Variants in ROR1 observed in about 807,000 individuals in gnomAD.
ROR1 encodes inactive tyrosine-protein kinase transmembrane receptor ROR1.
ROR1 carries 19 observed loss-of-function variants against 78.8 expected under a neutral mutation model. The ratio of observed to expected loss-of-function variants is 0.24; its 90% CI spans 0.17 to 0.35. ROR1 has a LOEUF of 0.35. ROR1 is among the 10% of genes least tolerant of loss of function. The probability of loss-of-function intolerance (pLI) is 1.00; values close to 1 mark genes in which losing one functional copy is unlikely to be tolerated. For synonymous variants in ROR1, 386 were observed against 433.6 expected, an observed-to-expected ratio of 0.89 and a Z score of 1.36; for missense variants, 917 against 1,177.8, an observed-to-expected ratio of 0.78 and a Z score of 3.24.
intron 1 of ROR1, among the ~76,000 whole-genome samples, chr1:63,793,493 A>T (rs1409400313): frequency 6.6e-6 from 1 of 152,226 alleles, no homozygotes; most frequent in Non-Finnish European, 1.5e-5. Flanking sequence ...GTGCTCTGAA[A>T]ATATGTACAT....
intron 2 of ROR1, among the ~76,000 whole-genome samples, chr1:64,024,094 C>T (rs547862290): frequency 5.9e-5 from 9 of 152,274 alleles, no homozygotes; most frequent in African/African-American, 2.2e-4. Flanking sequence ...CTGAGGTTTC[C>T]CCGGCCATGT....
chr1:63,861,799 A>C (rs575219606), intron 1 of ROR1, among the ~76,000 whole-genome samples: 1 of 152,258 alleles, frequency 6.6e-6, no homozygotes, highest in African/African-American at 2.4e-5. Flanking sequence ...AGGTTTTAGG[A>C]AGTCTTGAAA....
chr1:63,779,425 A>G (rs189648635), intron 1 of ROR1, among the ~76,000 whole-genome samples: 94 of 152,260 alleles, frequency 6.2e-4, no homozygotes, highest in African/African-American at 2.2e-3. Context: ...GAAGGGCCTT[A>G]GCCTGGCTTC....
chr1:63,902,545 G>A (rs955879188), intron 1 of ROR1, among the ~76,000 whole-genome samples: 4 of 151,794 alleles, frequency 2.6e-5, no homozygotes, highest in African/African-American at 7.3e-5. Context: ...GGCTGGTCTC[G>A]AACTCCTGGC....
intron 2 of ROR1, among the ~76,000 whole-genome samples, chr1:64,016,722 T>G (rs1646523244): frequency 6.9e-6 from 1 of 145,184 alleles, no homozygotes; most frequent in Admixed American, 6.9e-5. Context: ...ACCCTAGAAC[T>G]TAAAATATAA....
intron 1 of ROR1, among the ~76,000 whole-genome samples, chr1:63,964,934 C>A (rs1646061315): frequency 6.6e-6 from 1 of 152,166 alleles, no homozygotes; most frequent in South Asian, 2.1e-4. Context: ...CAGTTGAAAA[C>A]CTAGGCAAGG....
chr1:63,967,548 C>T (rs1646085350), intron 1 of ROR1, among the ~76,000 whole-genome samples: 1 of 152,130 alleles, frequency 6.6e-6, no homozygotes, highest in Non-Finnish European at 1.5e-5. Flanking sequence ...AGGAGTTCTC[C>T]TCCTCTATCC....
chr1:63,952,633 G>A (rs1645949624), intron 1 of ROR1, among the ~76,000 whole-genome samples: 1 of 152,136 alleles, frequency 6.6e-6, no homozygotes. Flanking sequence ...TGGGGATGAG[G>A]TTGCAAAGGT....
chr1:64,048,123 C>G (rs1446541964), intron 2 of ROR1, among the ~76,000 whole-genome samples: 1 of 152,066 alleles, frequency 6.6e-6, no homozygotes, highest in Non-Finnish European at 1.5e-5. Flanking sequence ...ATTAAATTAC[C>G]CGGTTAAATA....
At chr1:63,941,124 C>T (rs986569476) in intron 1 of ROR1, among the ~76,000 whole-genome samples, 3 of 152,002 alleles carry the variant, frequency 2.0e-5, no homozygotes, top group Non-Finnish European at 1.5e-5. Context: ...AATGGGTAAC[C>T]CTGGACTGGG....
chr1:63,999,738 T>C (rs577208921), intron 1 of ROR1, among the ~76,000 whole-genome samples: 6 of 152,202 alleles, frequency 3.9e-5, no homozygotes, highest in Non-Finnish European at 8.8e-5. Context: ...ATGAATTTAA[T>C]ATCATTAAAC....
At chr1:63,954,338 A>T (rs888739587) in intron 1 of ROR1, among the ~76,000 whole-genome samples, 2 of 152,230 alleles carry the variant, frequency 1.3e-5, no homozygotes, top group Non-Finnish European at 2.9e-5. Flanking sequence ...AACTTCTCAC[A>T]TTCTGCAGGC....
At chr1:64,009,156 C>T (rs998696492) in intron 1 of ROR1, 149 bp from the exon 2 acceptor site, 6 of 633,950 alleles carry the variant, frequency 9.5e-6, no homozygotes, top group Admixed American at 2.5e-5. Flanking sequence ...TCTAGAGCCA[C>T]CATTCCAGTC....
At chr1:63,956,785 TAA>T (rs1481575367) in intron 1 of ROR1, among the ~76,000 whole-genome samples, 1 of 152,182 alleles carries the variant, frequency 6.6e-6, no homozygotes. Flanking sequence ...TATAAAGAAA[TAA>T]GTCTTCTCCC....
chr1:64,003,280 A>G (rs1368487331), intron 1 of ROR1, among the ~76,000 whole-genome samples: 1 of 151,798 alleles, frequency 6.6e-6, no homozygotes, highest in African/African-American at 2.4e-5. Context: ...ATTTTTCTTC[A>G]ACAAAGTAAT....
At chr1:63,886,772 CAT>C (rs922899028) in intron 1 of ROR1, among the ~76,000 whole-genome samples, 1 of 151,530 alleles carries the variant, frequency 6.6e-6, no homozygotes, top group Non-Finnish European at 1.5e-5. Context: ...GAAAACCCTC[CAT>C]ACTCGACCAC....
intron 1 of ROR1, among the ~76,000 whole-genome samples, chr1:63,942,361 C>G (rs991132785): frequency 2.7e-4 from 41 of 152,238 alleles, no homozygotes; most frequent in African/African-American, 9.9e-4. Flanking sequence ...TGAACATTTC[C>G]TTGTGTATAA....
At chr1:63,832,581 T>C (rs1288510712) in intron 1 of ROR1, among the ~76,000 whole-genome samples, 2 of 152,230 alleles carry the variant, frequency 1.3e-5, no homozygotes, top group Non-Finnish European at 2.9e-5. Context: ...CCTGAACCTC[T>C]GTTTCCTTTT....
intron 2 of ROR1, among the ~76,000 whole-genome samples, chr1:64,048,395 A>G (rs1646802266): frequency 1.3e-5 from 2 of 152,306 alleles, no homozygotes; most frequent in South Asian, 4.1e-4. Flanking sequence ...ACAGTAGTAT[A>G]CACTGAGGAT....
Sources: allele counts gnomAD v4.1 joint callset (sites outside exome capture counted in the v4.1 genomes callset), GRCh38; gene constraint gnomAD v4.1.1; transcripts MANE v1.5; gene names NCBI Gene and HGNC (gene_info 2026-07-23, HGNC 2026-07-21).